ACYP2: variants seen among roughly 807,000 people sequenced by gnomAD.
ACYP2 encodes the protein acylphosphatase 2.
In ACYP2, 12 loss-of-function variants were observed where a neutral mutation model predicts 11.2. The ratio of observed to expected loss-of-function variants is 1.08; its 90% CI spans 0.69 to 1.74. The LOEUF is 1.74. Among genes scored for constraint, ACYP2 ranks in the 40% most tolerant of loss-of-function variants. The probability of loss-of-function intolerance (pLI) is 0.00; values close to 1 mark genes in which losing one functional copy is unlikely to be tolerated. For synonymous variants in ACYP2, 43 were observed against 32.2 expected (o/e 1.33, Z -1.13); for missense variants, 134 against 101.9 (o/e 1.31, Z -1.35).
intron 2 of ACYP2, among the ~76,000 whole-genome samples, chr2:54,020,369 A>T (rs1005075955): frequency 2.6e-5 from 4 of 152,244 alleles, no homozygotes; most frequent in Non-Finnish European, 5.9e-5. Context: ...TTAAAAAATA[A>T]TGCTCCTAAA....
intron 4 of ACYP2, among the ~76,000 whole-genome samples, chr2:54,057,601 C>G (rs1319644592): frequency 3.9e-5 from 6 of 151,990 alleles, no homozygotes; most frequent in Non-Finnish European, 8.8e-5. Context: ...CAGAGAAGTA[C>G]GTTTTATTAG....
chr2:54,153,899 C>A (rs189337821), intron 6 of ACYP2, among the ~76,000 whole-genome samples: 1 of 152,044 alleles, frequency 6.6e-6, no homozygotes, highest in Non-Finnish European at 1.5e-5. Context: ...CGCACCTGGC[C>A]CGTAGTTGGA....
intron 6 of ACYP2, among the ~76,000 whole-genome samples, chr2:54,221,290 G>A (rs1275440458): frequency 6.6e-6 from 1 of 152,128 alleles, no homozygotes; most frequent in Non-Finnish European, 1.5e-5. Flanking sequence ...TAAATTTGGG[G>A]TGCTTTATTA....
chr2:53,988,054 CTT>C (rs1380500601), intron 2 of ACYP2, among the ~76,000 whole-genome samples: 2 of 152,034 alleles, frequency 1.3e-5, no homozygotes, highest in Admixed American at 6.6e-5. Flanking sequence ...ACGTGTCAAA[CTT>C]TTATTTAGTG....
At chr2:54,264,247 CCAA>C in intron 6 of ACYP2, among the ~76,000 whole-genome samples, 1 of 152,044 alleles carries the variant, frequency 6.6e-6, no homozygotes, top group East Asian at 1.9e-4. Context: ...TAGTGCGGAC[CCAA>C]AGAGTGAGCA....
intron 4 of ACYP2, among the ~76,000 whole-genome samples, chr2:54,119,345 C>T (rs1680008626): frequency 6.6e-6 from 1 of 151,926 alleles, no homozygotes. Flanking sequence ...GCATGAGCCA[C>T]TAGCCTGGGC....
At chr2:54,086,500 A>G (rs1677955306) in intron 4 of ACYP2, among the ~76,000 whole-genome samples, 1 of 152,200 alleles carries the variant, frequency 6.6e-6, no homozygotes, top group Non-Finnish European at 1.5e-5. Context: ...AATATTCTCC[A>G]AAGAATATAA....
In ACYP2 at chr2:54,207,645, T is replaced by C. The variant is rs560862980; in HGVS notation, c.404+68897T>C. Among the ~76,000 whole-genome samples, 4 of 152,318 alleles carry C rather than the reference T, an allele frequency of 2.6e-5. No homozygotes were observed. The South Asian group carries it at 8.3e-4, about 32-fold the overall frequency. ...AAGCCAAATTAAAGATAATGGTAGC[T>C]AGCATTTTTACTAACTTGGATTCAA... is the stretch of plus-strand genomic sequence containing the variant. On this transcript the variant is annotated intron_variant, in intron 6 of 6. Transcript: ENST00000607452.
chr2:54,053,597 G>A (rs1675975678), intron 3 of ACYP2, among the ~76,000 whole-genome samples: 1 of 152,178 alleles, frequency 6.6e-6, no homozygotes, highest in Non-Finnish European at 1.5e-5. Flanking sequence ...CTGCCCCAAA[G>A]GGTTACTTCT....
At chr2:53,988,298 T>G (rs993201342) in intron 2 of ACYP2, among the ~76,000 whole-genome samples, 17 of 152,152 alleles carry the variant, frequency 1.1e-4, no homozygotes, top group African/African-American at 4.1e-4. Context: ...TGTTTTACAT[T>G]TAAGTCCATG....
At chr2:54,088,827 A>C (rs943815067) in intron 4 of ACYP2, among the ~76,000 whole-genome samples, 3 of 152,214 alleles carry the variant, frequency 2.0e-5, no homozygotes, top group Non-Finnish European at 4.4e-5. Flanking sequence ...AGTATATCAG[A>C]AAGAGTACAG....
chr2:54,028,678 AT>A (rs1229291975), intron 2 of ACYP2, among the ~76,000 whole-genome samples: 1 of 152,188 alleles, frequency 6.6e-6, no homozygotes, highest in Non-Finnish European at 1.5e-5. Flanking sequence ...GTCCCAGGCC[AT>A]TGTATGTTCT....
chr2:54,188,212 C>A (rs145276661), intron 6 of ACYP2, among the ~76,000 whole-genome samples: 128 of 152,280 alleles, frequency 8.4e-4, no homozygotes, highest in African/African-American at 3.0e-3. Flanking sequence ...GGAGAAAATA[C>A]AGTTCTAATA....
At chr2:54,272,926 T>A (rs1443322193) in intron 6 of ACYP2, among the ~76,000 whole-genome samples, 6 of 152,254 alleles carry the variant, frequency 3.9e-5, no homozygotes, top group Non-Finnish European at 7.3e-5. Flanking sequence ...GAAGCTTCTA[T>A]AAAGACTGTA....
intron 6 of ACYP2, among the ~76,000 whole-genome samples, chr2:54,220,536 A>G (rs912571370): frequency 1.3e-5 from 2 of 152,214 alleles, no homozygotes; most frequent in African/African-American, 4.8e-5. Flanking sequence ...TTTTAAAATG[A>G]CAGATGTTTA....
chr2:54,264,377 G>A (rs2628197), intron 6 of ACYP2, among the ~76,000 whole-genome samples: 63,729 of 151,940 alleles, frequency 0.42, 13,542 homozygotes, highest in South Asian at 0.5. Flanking sequence ...ATTTGGCCCC[G>A]CCCACATCCT....
intron 4 of ACYP2, among the ~76,000 whole-genome samples, chr2:54,102,397 C>G (rs1678942824): frequency 6.6e-6 from 1 of 152,060 alleles, no homozygotes; most frequent in African/African-American, 2.4e-5. Flanking sequence ...GTGCTGGCCT[C>G]AGGGTTGATT....
At chr2:54,182,889 C>A (rs138503557) in intron 6 of ACYP2, among the ~76,000 whole-genome samples, 388 of 152,260 alleles carry the variant, frequency 2.5e-3, no homozygotes, top group African/African-American at 8.9e-3. Context: ...GGCCCCATAG[C>A]TCTGGAAATA....
intron 6 of ACYP2, among the ~76,000 whole-genome samples, chr2:54,215,319 T>C (rs1685515894): frequency 6.6e-6 from 1 of 152,198 alleles, no homozygotes; most frequent in Non-Finnish European, 1.5e-5. Context: ...CATCCTTGTC[T>C]TGTGCCAGTC....
Sources: allele counts gnomAD v4.1 joint callset (sites outside exome capture counted in the v4.1 genomes callset), GRCh38; gene constraint gnomAD v4.1.1; transcripts MANE v1.5; gene names NCBI Gene and HGNC (gene_info 2026-07-23, HGNC 2026-07-21).